The following MCC variants were observed in gnomAD, a reference collection of about 807,000 sequenced individuals.
MCC encodes colorectal mutant cancer protein.
A neutral mutation model predicts 116.2 loss-of-function variants in MCC; 90 were observed. That is an observed-to-expected ratio of 0.77 (90% confidence interval 0.65 to 0.92). The LOEUF is 0.92. MCC is among the 40% of genes least tolerant of loss of function. MCC has a pLI of 0.00. For missense variants in MCC, 1,516 were observed against 1,312.2 expected (o/e 1.16, Z -2.40); for synonymous variants, 578 against 510.5 (o/e 1.13, Z -1.78).
chr5:113,337,678 C>A (rs1561529454), intron 3 of MCC, among the ~76,000 whole-genome samples: 1 of 152,100 alleles, frequency 6.6e-6, no homozygotes, highest in Non-Finnish European at 1.5e-5. Flanking sequence ...TTTCTGTCTC[C>A]TAACTAGACA....
chr5:113,093,457 A>G (rs1329962064), intron 8 of MCC, among the ~76,000 whole-genome samples: 1 of 150,126 alleles, frequency 6.7e-6, no homozygotes, highest in Non-Finnish European at 1.5e-5. Flanking sequence ...TATCTTATCT[A>G]TCTATCTGTT....
chr5:113,399,289 T>C (rs953253827), intron 1 of MCC, among the ~76,000 whole-genome samples: 1 of 152,010 alleles, frequency 6.6e-6, no homozygotes, highest in African/African-American at 2.4e-5. Context: ...ATTGAGACCA[T>C]CCTGGCTAAC....
chr5:113,049,375 G>T, intron 15 of MCC, 76 bp from the exon 16 acceptor site: 1 of 1,315,134 alleles, frequency 7.6e-7, no homozygotes, highest in Non-Finnish European at 1.0e-6. Flanking sequence ...AAGTGGGTGG[G>T]TGGGGGGTCC....
chr5:113,039,591 A>T (rs1751549655), intron 17 of MCC, among the ~76,000 whole-genome samples: 1 of 152,168 alleles, frequency 6.6e-6, no homozygotes, highest in South Asian at 2.1e-4. Context: ...AGCAAGCCCA[A>T]TGCTGCCAGC....
chr5:113,131,940 C>T (rs893980255), intron 5 of MCC, among the ~76,000 whole-genome samples: 2 of 152,054 alleles, frequency 1.3e-5, no homozygotes, highest in African/African-American at 4.8e-5. Context: ...CCATATGCAC[C>T]CTCTTATCCA....
At chr5:113,232,859 T>G (rs1206993976) in intron 3 of MCC, among the ~76,000 whole-genome samples, 2 of 152,162 alleles carry the variant, frequency 1.3e-5, no homozygotes, top group African/African-American at 4.8e-5. Context: ...CCAGTTACTA[T>G]GTGACCTGGG....
In MCC at chr5:113,341,010, G is replaced by C. The variant is rs989187016; in HGVS notation, c.416-280C>G. Among the ~76,000 whole-genome samples the C allele has an allele frequency of 1.3e-4, 20 of 152,340 alleles. No homozygotes were observed. The South Asian group carries it at 3.1e-3, about 24-fold the overall frequency. On this transcript the variant is annotated intron_variant, in intron 2 of 18. Coordinates refer to ENST00000408903, the MANE Select transcript of MCC (RefSeq NM_001085377.2). ...AGCAAAAAAAGCACTGGAGAGCCAAGTAAAGGGAATCCAGATCAGAGTCAC... is the reference window on the plus strand; with the variant it reads ...AGCAAAAAAAGCACTGGAGAGCCAACTAAAGGGAATCCAGATCAGAGTCAC...
At chr5:113,419,130 T>C (rs72797949) in intron 1 of MCC, among the ~76,000 whole-genome samples, 7,928 of 152,086 alleles carry the variant, frequency 0.052, 283 homozygotes, top group Non-Finnish European at 0.079. Context: ...AGGTATGAGG[T>C]TTCTTTTGAA....
intron 3 of MCC, among the ~76,000 whole-genome samples, chr5:113,263,357 A>G (rs1307709437): frequency 5.3e-5 from 8 of 152,224 alleles, no homozygotes; most frequent in Admixed American, 2.6e-4. Context: ...TACTCAGAAC[A>G]TTAATTCTGG....
intron 1 of MCC, among the ~76,000 whole-genome samples, chr5:113,453,889 T>G (rs1418554788): frequency 6.6e-6 from 1 of 152,154 alleles, no homozygotes; most frequent in Non-Finnish European, 1.5e-5. Flanking sequence ...GGCGTGTGGA[T>G]CACCTGAGGT....
intron 5 of MCC, among the ~76,000 whole-genome samples, chr5:113,136,314 C>A (rs1362343078): frequency 6.6e-6 from 1 of 151,980 alleles, no homozygotes; most frequent in South Asian, 2.1e-4. Context: ...GCTTTTAGAC[C>A]TAGTGATGTA....
intron 1 of MCC, among the ~76,000 whole-genome samples, chr5:113,397,161 A>G (rs1392004583): frequency 6.6e-6 from 1 of 152,194 alleles, no homozygotes; most frequent in Non-Finnish European, 1.5e-5. Context: ...GGGAAAATCA[A>G]TTCCAACATT....
chr5:113,095,419 TAGGATTCTGGAGCAGATTAAACAA>T (rs1755944268), intron 8 of MCC, among the ~76,000 whole-genome samples: 1 of 152,250 alleles, frequency 6.6e-6, no homozygotes, highest in Non-Finnish European at 1.5e-5. Context: ...ACCTATCAGC[TAGGATTCTGGAGCAGATTAAACAA>T]AATGTGCATA....
chr5:113,469,065 T>A (rs1482186468), intron 1 of MCC, among the ~76,000 whole-genome samples: 1 of 152,230 alleles, frequency 6.6e-6, no homozygotes, highest in Non-Finnish European at 1.5e-5. Context: ...TATTTGATTC[T>A]TCTCTCTTTT....
At chr5:113,098,061 T>G (rs1435506493) in intron 8 of MCC, among the ~76,000 whole-genome samples, 1 of 152,110 alleles carries the variant, frequency 6.6e-6, no homozygotes, top group Non-Finnish European at 1.5e-5. Flanking sequence ...TTCTAGAAAA[T>G]CTCAGAAGGA....
intron 1 of MCC, among the ~76,000 whole-genome samples, chr5:113,462,858 G>T (rs1422269100): frequency 6.6e-6 from 1 of 152,088 alleles, no homozygotes; most frequent in African/African-American, 2.4e-5. Flanking sequence ...GAATAAAGAG[G>T]GACACAGTCT....
intron 1 of MCC, among the ~76,000 whole-genome samples, chr5:113,419,680 A>G (rs1158503116): frequency 6.6e-6 from 1 of 151,916 alleles, no homozygotes; most frequent in African/African-American, 2.4e-5. Flanking sequence ...ACCATGGAAT[A>G]CTATGCAGCC....
chr5:113,028,506 A>G (rs1470662360), intron 18 of MCC, among the ~76,000 whole-genome samples: 1 of 152,144 alleles, frequency 6.6e-6, no homozygotes, highest in East Asian at 1.9e-4. Flanking sequence ...TCCGTTTTTT[A>G]TAGAGAAGAG....
intron 2 of MCC, among the ~76,000 whole-genome samples, chr5:113,354,660 C>A (rs1323806651): frequency 6.6e-6 from 1 of 151,886 alleles, no homozygotes. Flanking sequence ...GTCTTGAACT[C>A]CTGACCTCAG....
Sources: allele counts gnomAD v4.1 joint callset (sites outside exome capture counted in the v4.1 genomes callset), GRCh38; gene constraint gnomAD v4.1.1; transcripts MANE v1.5; gene names NCBI Gene and HGNC (gene_info 2026-07-23, HGNC 2026-07-21).